The following NUDT7 variants were observed in gnomAD, a reference collection of about 807,000 sequenced individuals.
The protein encoded by NUDT7 is nudix hydrolase 7.
In NUDT7, 19 loss-of-function variants were observed where a neutral mutation model predicts 13.1. That is an observed-to-expected ratio of 1.45 (90% CI 1.01 to 2.13). The LOEUF is 2.13. NUDT7 is among the 30% of genes most tolerant of loss of function. The pLI, the probability that NUDT7 is intolerant of heterozygous loss-of-function variation, is 0.00. For missense variants in NUDT7, 360 were observed against 291.7 expected (o/e 1.23, Z -1.71); for synonymous variants, 132 against 109.7 (o/e 1.20, Z -1.27).
At chr16:77,723,374 G>T (rs308934) in intron 1 of NUDT7, among the ~76,000 whole-genome samples, 75,631 of 151,840 alleles carry the variant, frequency 0.5, 22,684 homozygotes, top group Non-Finnish European at 0.67. Flanking sequence ...AACCACATCT[G>T]GTGAGCACCC....
At chr16:77,725,882 T>C (rs2014119918) in intron 2 of NUDT7, among the ~76,000 whole-genome samples, 1 of 152,238 alleles carries the variant, frequency 6.6e-6, no homozygotes, top group South Asian at 2.1e-4. Context: ...GGCTGTCCTG[T>C]ATAATGTGGT....
chr16:77,724,061 G>A (rs917275970), intron 1 of NUDT7, among the ~76,000 whole-genome samples: 1 of 152,122 alleles, frequency 6.6e-6, no homozygotes, highest in Non-Finnish European at 1.5e-5. Context: ...GTCTCTCATG[G>A]CTATGAAGCC....
chr16:77,737,047 A>G (rs2014509731), intron 3 of NUDT7, among the ~76,000 whole-genome samples: 1 of 142,632 alleles, frequency 7.0e-6, no homozygotes, highest in Admixed American at 6.8e-5. Context: ...ATAGGAAACT[A>G]GACTATAGGA....
intron 3 of NUDT7, among the ~76,000 whole-genome samples, chr16:77,737,811 G>A (rs1423798398): frequency 6.6e-6 from 1 of 151,958 alleles, no homozygotes; most frequent in African/African-American, 2.4e-5. Context: ...TGGGCTTTCG[G>A]GTAAGTTTTT....
chr16:77,740,961 A>ATT (rs2014640043), intron 3 of NUDT7, among the ~76,000 whole-genome samples: 1 of 152,214 alleles, frequency 6.6e-6, no homozygotes, highest in African/African-American at 2.4e-5. Context: ...AAGACACATA[A>ATT]TTATATATAT....
At chr16:77,723,812 G>A (rs918493269) in intron 1 of NUDT7, among the ~76,000 whole-genome samples, 2 of 151,818 alleles carry the variant, frequency 1.3e-5, no homozygotes, top group Non-Finnish European at 2.9e-5. Flanking sequence ...GGCTGGTCTC[G>A]AACTCCTGAC....
At chr16:77,722,703 G>A (rs1315882407) in intron 1 of NUDT7, 86 bp downstream of exon 1, 5 of 1,371,582 alleles carry the variant, frequency 3.6e-6, no homozygotes, top group African/African-American at 2.9e-5. Flanking sequence ...TTTTGGCCGG[G>A]ACTGATTTTG....
intron 3 of NUDT7, among the ~76,000 whole-genome samples, chr16:77,739,847 G>A (rs1336310385): frequency 2.0e-5 from 3 of 152,162 alleles, no homozygotes; most frequent in Admixed American, 2.0e-4. Flanking sequence ...ACCAGTGACT[G>A]ACTGGGGCTG....
chr16:77,736,258 T>C (rs2014481228), intron 3 of NUDT7: 3 of 330,506 alleles, frequency 9.1e-6, no homozygotes, highest in Non-Finnish European at 1.7e-5. Flanking sequence ...CCTAGAGAGA[T>C]GCTTCAGAAT....
chr16:77,734,657 C>G (rs984843854), intron 2 of NUDT7, among the ~76,000 whole-genome samples: 4 of 152,010 alleles, frequency 2.6e-5, no homozygotes, highest in Non-Finnish European at 5.9e-5. Context: ...ACCTGCCCAT[C>G]AATGCATGAG....
intron 3 of NUDT7, chr16:77,737,488 G>GTTTTTTTTTTTT (rs1452463596): frequency 6.8e-6 from 1 of 146,430 alleles, no homozygotes; most frequent in Admixed American, 6.9e-5. Context: ...TTTTTTTGTT[G>GTTTTTTTTTTTT]TTGTTGTTGT....
chr16:77,734,918 G>T (rs2014430490), intron 2 of NUDT7, among the ~76,000 whole-genome samples: 1 of 152,072 alleles, frequency 6.6e-6, no homozygotes, highest in South Asian at 2.1e-4. Context: ...AGATAGTAGG[G>T]ATGATTGTAC....
intron 1 of NUDT7, among the ~76,000 whole-genome samples, chr16:77,723,811 C>T (rs972705123): frequency 6.6e-5 from 10 of 151,966 alleles, no homozygotes; most frequent in South Asian, 6.2e-4. Flanking sequence ...AGGCTGGTCT[C>T]GAACTCCTGA....
At position 77,723,860 on chromosome 16, in the gene NUDT7, G is replaced by A. The variant is rs537020391; in HGVS notation, c.35+1243G>A. Among the ~76,000 whole-genome samples, 4 of 152,204 alleles carry A rather than the reference G, an allele frequency of 2.6e-5. No individual in the cohort carries two copies. In the South Asian group the frequency reaches 8.3e-4, roughly 32 times the overall value. On this transcript the variant is annotated intron_variant, in intron 1 of 3. Coordinates refer to ENST00000268533, the MANE Select transcript of NUDT7 (RefSeq NM_001105663.3). ...ACCTTCCTCAGTCTCCCAAAGTGCC[G>A]GGATTACAGGCATGAGCCACTGTAC... is the stretch of plus-strand genomic sequence containing the variant.
Position 77,722,519 on chromosome 16 carries a change from G to C in NUDT7, c.-64G>C. 6.7e-7 allele frequency: 1 copy of C among 1,482,680 alleles called. No individual in the cohort carries two copies. Among genetic ancestry groups the C allele is most frequent in the East Asian group, 2.5e-5 (1 of 40,678 alleles). 91.8% of individuals were successfully genotyped at this position (1,482,680 alleles called of 1,614,324 possible). The stretch of plus-strand genomic sequence containing the variant: ...CCGCTCCCAAGCCCAGAGCTGCTCT[G>C]CGCAAGCGCGACCGACCGAGCAGCT... On this transcript the variant is annotated 5_prime_UTR_variant, in exon 1 of 4. Coordinates refer to ENST00000268533, the MANE Select transcript of NUDT7 (RefSeq NM_001105663.3).
At chr16:77,723,098 C>T (rs564410313) in intron 1 of NUDT7, among the ~76,000 whole-genome samples, 1 of 152,160 alleles carries the variant, frequency 6.6e-6, no homozygotes, top group Admixed American at 6.5e-5. Flanking sequence ...ATGCTCAGAA[C>T]GGGGTGGCTG....
rs2014692508 is a variant in NUDT7, at chr16:77,742,244, A to AT, written c.*300dup. 1 of 622,840 alleles carries AT rather than the reference A, an allele frequency of 1.6e-6. No individual in the cohort carries two copies. The highest frequency in any genetic ancestry group is 1.9e-5 in the African/African-American group (1 of 52,406). 38.6% of individuals were successfully genotyped at this position (622,840 alleles called of 1,614,324 possible). On this transcript the variant is annotated 3_prime_UTR_variant, in exon 4 of 4. Transcript: ENST00000268533. ...GGCACATACTAGGCCCTTAATAAAG[A>AT]TTTTTTGAATATATAACCATGTGGC...
chr16:77,736,140 C>A, intron 3 of NUDT7, 154 bp downstream of exon 3: 1 of 693,750 alleles, frequency 1.4e-6, no homozygotes, highest in Non-Finnish European at 2.4e-6. Flanking sequence ...CCTCATGAGT[C>A]AAGTGGCTAT....
intron 2 of NUDT7, 90 bp from the exon 3 acceptor site, chr16:77,735,738 C>A: frequency 1.6e-6 from 2 of 1,224,250 alleles, no homozygotes; most frequent in Non-Finnish European, 1.2e-6. Context: ...GTCTCTGGTA[C>A]AAAATAGAAG....
Sources: allele counts gnomAD v4.1 joint callset (sites outside exome capture counted in the v4.1 genomes callset), GRCh38; gene constraint gnomAD v4.1.1; transcripts MANE v1.5; gene names NCBI Gene and HGNC (gene_info 2026-07-23, HGNC 2026-07-21).